Variants in VIPR1 observed in about 807,000 individuals in gnomAD.
VIPR1 encodes vasoactive intestinal peptide receptor 1, also known as vasoactive intestinal polypeptide receptor 1.
In VIPR1, 59 loss-of-function variants were observed where a neutral mutation model predicts 58.8. The observed-to-expected ratio is 1.00, with a 90% CI of 0.81 to 1.25. The LOEUF is 1.25. Among genes scored for constraint, VIPR1 ranks in the 50% most tolerant of loss-of-function variants. The probability of loss-of-function intolerance (pLI) is 0.00; values close to 1 mark genes in which losing one functional copy is unlikely to be tolerated. For synonymous variants in VIPR1, 251 were observed against 242.1 expected (o/e 1.04, Z -0.34); for missense variants, 626 against 602.7 (o/e 1.04, Z -0.40).
intron 1 of VIPR1, chr3:42,508,155 T>G (rs1700204220): frequency 6.6e-6 from 1 of 152,302 alleles, no homozygotes; most frequent in African/African-American, 2.4e-5. Flanking sequence ...CGGCTGTGGC[T>G]AGGCTTGGAT....
chr3:42,530,919 A>C lies in VIPR1; in HGVS notation c.777A>C (p.Ile259=). Residue 259 remains isoleucine, a synonymous_variant, in exon 7 of 13, where the codon ATA becomes ATC. Transcript: ENST00000325123. ...FSERKYFWGY[I]LIGWGVPSTF... ...AGCGGAAGTACTTCTGGGGGTACAT[A>C]CTCATCGGCTGGGGTATGGTACCAG... The C allele has an allele frequency of 6.2e-7, 1 of 1,613,842 alleles. No homozygotes were observed. Among genetic ancestry groups the C allele is most frequent in the Non-Finnish European group, 8.5e-7 (1 of 1,179,888 alleles).
chr3:42,496,924 C>CT (rs544141621), intron 1 of VIPR1, among the ~76,000 whole-genome samples: 49 of 150,608 alleles, frequency 3.3e-4, no homozygotes, highest in South Asian at 3.2e-3. Context: ...TTTCATTTTT[C>CT]TTTTTTCTGG....
chr3:42,492,713 GA>G lies in VIPR1; in HGVS notation c.-245+3036del, dbSNP rs202203111. ...TTTGTTTTCAAGTGCCAAGCCTGGGGACCCAGGAGGAGAAGGGAAGGACTTC... is the reference window on the plus strand; with the variant it reads ...TTTGTTTTCAAGTGCCAAGCCTGGGGCCCAGGAGGAGAAGGGAAGGACTTC... On this transcript the variant is annotated intron_variant, in intron 1 of 13. Coordinates refer to the VIPR1 transcript ENST00000433647. 6.8e-3 allele frequency among the ~76,000 whole-genome samples: 1,037 copies of G among 152,352 alleles called. 6 individuals are homozygous for G. Among genetic ancestry groups the G allele is most frequent in the Middle Eastern group, 0.01 (3 of 294 alleles).
chr3:42,530,671 A>G, intron 6 of VIPR1, 108 bp from the exon 7 acceptor site: 1 of 1,317,718 alleles, frequency 7.6e-7, no homozygotes, highest in Non-Finnish European at 1.0e-6. Context: ...CAACAAAGAG[A>G]TTAAGTTGGC....
At chr3:42,535,208 A>G in intron 11 of VIPR1, 104 bp downstream of exon 11, 1 of 1,598,338 alleles carries the variant, frequency 6.3e-7, no homozygotes, top group South Asian at 1.1e-5. Flanking sequence ...TACTGTAATA[A>G]GTATTAGATA....
At position 42,537,201 on chromosome 3, in the gene VIPR1, CAGAA is replaced by C. The variant is rs1481738088; in HGVS notation, c.*923_*926del. 6.6e-6 allele frequency: 1 copy of C among 152,224 alleles called. No individual in the cohort carries two copies. Among genetic ancestry groups the C allele is most frequent in the East Asian group, 1.9e-4 (1 of 5,184 alleles). 9.4% of individuals were successfully genotyped at this position (152,224 alleles called of 1,614,324 possible). On this transcript the variant is annotated 3_prime_UTR_variant, in exon 13 of 13. Coordinates refer to ENST00000325123, the MANE Select transcript of VIPR1 (RefSeq NM_004624.4). ...AGAGATGTGCACCCATGGGCTCTGACAGAAAGCAGATACCTCACCCTGCTACACA... is the reference window on the plus strand; with the variant it reads ...AGAGATGTGCACCCATGGGCTCTGACAGCAGATACCTCACCCTGCTACACA...
chr3:42,505,610 G>T (rs893995117), intron 1 of VIPR1, among the ~76,000 whole-genome samples: 1 of 152,214 alleles, frequency 6.6e-6, no homozygotes, highest in South Asian at 2.1e-4. Context: ...GGGCTCCCAG[G>T]GTACCATGCT....
rs372134199 is a variant in VIPR1 at position 42,513,938 on chromosome 3, G to A, written c.184+84G>A. The stretch of plus-strand genomic sequence containing the variant: ...TGTCTCAAGCTGAGATCCAAGTCAC[G>A]TTCGTTCCACATTTATTGGATGATG... On this transcript the variant is annotated intron_variant, in intron 2 of 12. Transcript: ENST00000325123. 5.5e-4 allele frequency: 783 copies of A among 1,425,894 alleles called. 6 individuals are homozygous for A. In the South Asian group the frequency reaches 9.1e-3, roughly 17 times the overall value. The allele number at this position is 1,425,894 out of a possible 1,614,324, so 88.3% of individuals were successfully genotyped here.
In VIPR1 at chr3:42,490,373, A is replaced by G. The variant is rs146005754; in HGVS notation, c.-245+695A>G. Among the ~76,000 whole-genome samples the G allele has an allele frequency of 5.4e-3, 824 of 152,336 alleles. 10 individuals carry two copies. The highest frequency in any genetic ancestry group is 0.018 in the African/African-American group (767 of 41,568). ...ATTCCTCTGGGCCTTATCCCATCTC[A>G]GGCAAGAATAGGCCTAGGGGCAAGC... On this transcript the variant is annotated intron_variant, in intron 1 of 13. Transcript: ENST00000433647.
In VIPR1 at chr3:42,528,006, G is replaced by A. The variant is rs565208269; in HGVS notation, c.519G>A (p.Thr173=). 1.4e-5 allele frequency: 23 copies of A among 1,613,970 alleles called. No individual in the cohort carries two copies. Among genetic ancestry groups the A allele is most frequent in the East Asian group, 4.5e-5 (2 of 44,870 alleles). Residue 173 remains threonine (T), a synonymous_variant, in exon 6 of 13, where the codon ACG becomes ACA. Coordinates refer to ENST00000325123, the MANE Select transcript of VIPR1 (RefSeq NM_004624.4). The part of the protein sequence containing the change: ...ILSLFRKLHC[T]RNYIHMHLFI... The stretch of plus-strand genomic sequence containing the variant: ...CCCCACACAGGAAGCTCCACTGCAC[G>A]CGGAACTACATCCACATGCACCTCT...
chr3:42,520,719 C>T (rs1020802900), intron 3 of VIPR1, among the ~76,000 whole-genome samples: 3 of 152,174 alleles, frequency 2.0e-5, no homozygotes, highest in Non-Finnish European at 4.4e-5. Context: ...GCATCTCTCA[C>T]TCCAGATGGC....
intron 1 of VIPR1, 107 bp from the exon 2 acceptor site, chr3:42,513,642 G>T: frequency 8.3e-7 from 1 of 1,199,222 alleles, no homozygotes; most frequent in Admixed American, 2.3e-5. Context: ...GTTCCATCTG[G>T]AACTTGGATC....
intron 1 of VIPR1, chr3:42,512,749 A>G: frequency 2.0e-6 from 2 of 985,452 alleles, no homozygotes; most frequent in Non-Finnish European, 2.4e-6. Context: ...TTCTTCTCCC[A>G]GGCAGAGATG....
chr3:42,527,909 C>A, intron 5 of VIPR1, 82 bp from the exon 6 acceptor site: 1 of 1,562,370 alleles, frequency 6.4e-7, no homozygotes, highest in Non-Finnish European at 8.7e-7. Context: ...CTGCCCCACC[C>A]TTGCTCAGCA....
chr3:42,532,302 G>C lies in VIPR1; in HGVS notation c.979G>C (p.Asp327His). 1 of 1,614,154 alleles carries C rather than the reference G, an allele frequency of 6.2e-7. No homozygotes were observed. Among genetic ancestry groups the C allele is most frequent in the Non-Finnish European group, 8.5e-7 (1 of 1,180,026 alleles). Reference sequence around the variant, plus strand: ...CCTGCTTCAGAAACTGCGGCCCCCAGATATCAGGAAGAGTGACAGCAGTCC... The same window carrying C: ...CCTGCTTCAGAAACTGCGGCCCCCACATATCAGGAAGAGTGACAGCAGTCC... ...RILLQKLRPP[D>H]IRKSDSSPYS... Residue 327 changes from aspartate to histidine, a missense_variant, in exon 10 of 13, where the codon GAT becomes CAT. Physicochemically the swap from Asp to His is moderately conservative, Grantham distance 81. Coordinates refer to ENST00000325123, the MANE Select transcript of VIPR1 (RefSeq NM_004624.4).
At position 42,531,859 on chromosome 3, in the gene VIPR1, C is replaced by T. The variant is rs373034151; in HGVS notation, c.908C>T (p.Thr303Ile). Residue 303 changes from threonine (T) to isoleucine (I), a missense_variant, in exon 9 of 13, where the codon ACC (threonine) becomes ATC (isoleucine). Thr to Ile is a moderately conservative substitution (Grantham distance 89). Transcript: ENST00000325123. The stretch of plus-strand genomic sequence containing the variant: ...TGGATCATAAAGGGCCCCATCCTCA[C>T]CTCCATCTTGGTAAGATACCCTCCC... ...LWWIIKGPIL[T>I]SILVNFILFI... 25 of 1,614,204 alleles carry T rather than the reference C, an allele frequency of 1.5e-5. 1 individual carries two copies. The highest frequency in any genetic ancestry group is 8.0e-5 in the African/African-American group (6 of 75,060).
At chr3:42,507,589 A>T (rs1017828477) in intron 1 of VIPR1, among the ~76,000 whole-genome samples, 10 of 152,230 alleles carry the variant, frequency 6.6e-5, no homozygotes, top group Admixed American at 5.2e-4. Context: ...CACTGTGTTT[A>T]TAAGCTGAGT....
intron 1 of VIPR1, among the ~76,000 whole-genome samples, chr3:42,490,588 G>A (rs1442303102): frequency 6.6e-6 from 1 of 152,210 alleles, no homozygotes; most frequent in Non-Finnish European, 1.5e-5. Context: ...CACTGGGTTG[G>A]GAGCCAGAGG....
chr3:42,492,800 CT>C (rs1476979611), intron 1 of VIPR1, among the ~76,000 whole-genome samples: 3 of 152,206 alleles, frequency 2.0e-5, no homozygotes, highest in Admixed American at 2.0e-4. Flanking sequence ...TGCTCCCCAC[CT>C]CCCACCTCAG....
Sources: gnomAD v4.1 joint callset for allele counts (sites outside exome capture counted in the v4.1 genomes callset) on GRCh38, gnomAD v4.1.1 for gene constraint, MANE v1.5 for transcripts, NCBI Gene and HGNC (gene_info 2026-07-23, HGNC 2026-07-21) for gene names.